NXPE2: variants seen among roughly 807,000 people sequenced by gnomAD.
NXPE2 encodes neurexophilin and PC-esterase domain family member 2.
A neutral mutation model predicts 34.4 loss-of-function variants in NXPE2; 34 were observed. The ratio of observed to expected loss-of-function variants is 0.99; its 90% CI spans 0.75 to 1.31. The LOEUF is 1.31. Ranked by LOEUF, NXPE2 falls within the 40% of genes most tolerant of loss-of-function variation. The pLI is 0.00. For missense variants in NXPE2, 649 were observed against 672.5 expected, an observed-to-expected ratio of 0.97 and a Z score of 0.39; for synonymous variants, 235 against 231.3, an observed-to-expected ratio of 1.02 and a Z score of -0.15.
chr11:114,697,902 C>A, intron 2 of NXPE2, 143 bp from the exon 3 acceptor site: 1 of 798,462 alleles, frequency 1.3e-6, no homozygotes, highest in Non-Finnish European at 1.8e-6. Flanking sequence ...TCTGAAGATT[C>A]CATAACTGAA....
chr11:114,667,340 T>C, the NXPE2 span, among the ~76,000 whole-genome samples: 1 of 152,146 alleles, frequency 6.6e-6, no homozygotes, highest in Non-Finnish European at 1.5e-5. Flanking sequence ...TAAACAAATT[T>C]CTCCTAAAAT....
chr11:114,706,776 T>C lies in NXPE2; in HGVS notation c.1526T>C (p.Ile509Thr), dbSNP rs1458102123. 6.4e-7 allele frequency: 1 copy of C among 1,552,296 alleles called. No homozygotes were observed. Among genetic ancestry groups the C allele is most frequent in the Admixed American group, 2.0e-5 (1 of 50,980 alleles). Residue 509 changes from isoleucine to threonine, a missense_variant, in exon 6 of 6, where the codon ATT becomes ACT. Ile to Thr is a moderately conservative substitution (Grantham distance 89). Coordinates refer to ENST00000389586, the MANE Select transcript of NXPE2 (RefSeq NM_182495.6). ...ATGTTCAGTGACTTTCATGGCTATA[T>C]TCAGAATCTTATCATAAGAGATATT... ...AEMFSDFHGY[I>T]QNLIIRDIFV...
the NXPE2 span, among the ~76,000 whole-genome samples, chr11:114,544,262 C>G: frequency 6.6e-6 from 1 of 151,976 alleles, no homozygotes; most frequent in Non-Finnish European, 1.5e-5. Flanking sequence ...GGTAAAGGAA[C>G]CAAAATAACT....
the NXPE2 span, among the ~76,000 whole-genome samples, chr11:114,608,182 G>A: frequency 2.0e-5 from 3 of 151,630 alleles, no homozygotes; most frequent in Admixed American, 6.6e-5. Context: ...GTATTGCCTC[G>A]TGGGTAACCA....
chr11:114,591,775 C>T, the NXPE2 span, among the ~76,000 whole-genome samples: 2 of 152,120 alleles, frequency 1.3e-5, no homozygotes, highest in African/African-American at 4.8e-5. Context: ...ATGATGTTTG[C>T]TAAAAGTAGT....
the NXPE2 span, among the ~76,000 whole-genome samples, chr11:114,582,036 G>A: frequency 6.6e-6 from 1 of 152,188 alleles, no homozygotes; most frequent in Non-Finnish European, 1.5e-5. Flanking sequence ...ATACACACAT[G>A]TGCATTTCTC....
At chr11:114,784,554 A>G in the NXPE2 span, among the ~76,000 whole-genome samples, 1 of 152,016 alleles carries the variant, frequency 6.6e-6, no homozygotes, top group Non-Finnish European at 1.5e-5. Context: ...ACTCACAAAG[A>G]CAACGGAGCA....
At chr11:114,787,032 G>A in the NXPE2 span, among the ~76,000 whole-genome samples, 16 of 152,100 alleles carry the variant, frequency 1.1e-4, no homozygotes, top group Non-Finnish European at 2.4e-4. Context: ...CTGTCCCCAG[G>A]CTAATGTCCT....
At chr11:114,580,194 A>T in the NXPE2 span, 1 of 1,614,110 alleles carries the variant, frequency 6.2e-7, no homozygotes, top group Non-Finnish European at 8.5e-7. Context: ...CATTAGGTAT[A>T]TGAGTTTTCC....
chr11:114,546,926 T>A, the NXPE2 span, among the ~76,000 whole-genome samples: 1 of 152,168 alleles, frequency 6.6e-6, no homozygotes, highest in African/African-American at 2.4e-5. Context: ...TGTCCCAAAG[T>A]ATGAAATAAA....
chr11:114,572,454 A>C, the NXPE2 span, among the ~76,000 whole-genome samples: 1 of 152,188 alleles, frequency 6.6e-6, no homozygotes, highest in Non-Finnish European at 1.5e-5. Context: ...AGTCCAACTT[A>C]AATTAAAAAC....
chr11:114,766,262 C>G, the NXPE2 span, among the ~76,000 whole-genome samples: 1 of 152,080 alleles, frequency 6.6e-6, no homozygotes, highest in Non-Finnish European at 1.5e-5. Flanking sequence ...ACTTCCTGTT[C>G]TTGATTCCCT....
At chr11:114,614,342 T>C in the NXPE2 span, among the ~76,000 whole-genome samples, 1 of 151,558 alleles carries the variant, frequency 6.6e-6, no homozygotes, top group Non-Finnish European at 1.5e-5. Context: ...TGATGGATAA[T>C]AAGTGTTGCC....
the NXPE2 span, among the ~76,000 whole-genome samples, chr11:114,663,944 AT>A: frequency 6.6e-6 from 1 of 152,164 alleles, no homozygotes; most frequent in Non-Finnish European, 1.5e-5. Context: ...CACATTGCTG[AT>A]GGGGTGCAAA....
chr11:114,545,793 A>C, the NXPE2 span, among the ~76,000 whole-genome samples: 2 of 151,270 alleles, frequency 1.3e-5, no homozygotes, highest in African/African-American at 4.9e-5. Context: ...GGTTCAAGCG[A>C]TTCTCCTACC....
the NXPE2 span, among the ~76,000 whole-genome samples, chr11:114,725,976 A>ATATATATATATATATATATATAT: frequency 1.3e-3 from 133 of 101,608 alleles, 7 homozygotes; most frequent in East Asian, 4.0e-3. Flanking sequence ...ATAAAAAAAA[A>ATATATATATATATATATATATAT]ATATATATAT....
chr11:114,737,994 T>A, the NXPE2 span, among the ~76,000 whole-genome samples: 1 of 152,074 alleles, frequency 6.6e-6, no homozygotes, highest in Non-Finnish European at 1.5e-5. Flanking sequence ...GGCTGAGGCA[T>A]GAGAATCGCT....
At chr11:114,709,643 G>C (rs754403222), downstream of NXPE2, among the ~76,000 whole-genome samples, 1 of 152,138 alleles carries the variant, frequency 6.6e-6, no homozygotes, top group Non-Finnish European at 1.5e-5. Context: ...GTGGTGGCTA[G>C]TGCCTATAAT....
chr11:114,700,630 A>G (rs1478294590), intron 3 of NXPE2, among the ~76,000 whole-genome samples: 1 of 152,188 alleles, frequency 6.6e-6, no homozygotes, highest in Non-Finnish European at 1.5e-5. Context: ...GGCCCAGCAC[A>G]ATGCCTGACA....
Sources: allele counts gnomAD v4.1 joint callset (sites outside exome capture counted in the v4.1 genomes callset), GRCh38; gene constraint gnomAD v4.1.1; transcripts MANE v1.5; gene names NCBI Gene and HGNC (gene_info 2026-07-23, HGNC 2026-07-21).